RAD54L: variants seen among roughly 807,000 people sequenced by gnomAD.
RAD54L encodes the protein RAD54 like.
RAD54L carries 74 observed loss-of-function variants against 91.6 expected under a neutral mutation model. The ratio of observed to expected loss-of-function variants is 0.81; its 90% CI spans 0.67 to 0.98. The LOEUF is 0.98. Among genes scored for constraint, RAD54L ranks in the 50% least tolerant of loss-of-function variants. The probability of loss-of-function intolerance (pLI) is 0.00; values close to 1 mark genes in which losing one functional copy is unlikely to be tolerated. For synonymous variants in RAD54L, 304 were observed against 349.7 expected, an observed-to-expected ratio of 0.87 and a Z score of 1.46; for missense variants, 887 against 945.7, an observed-to-expected ratio of 0.94 and a Z score of 0.81.
chr1:46,277,313 T>C (rs1184110959), intron 16 of RAD54L: 1 of 176,812 alleles, frequency 5.7e-6, no homozygotes, highest in Non-Finnish European at 1.2e-5. Context: ...TTTTCAATAC[T>C]GTTCTACTCT....
chr1:46,257,033 A>T (rs1361341470), intron 3 of RAD54L, among the ~76,000 whole-genome samples: 2 of 151,324 alleles, frequency 1.3e-5, no homozygotes, highest in East Asian at 2.0e-4. Context: ...AGTCCCAGCT[A>T]CTTGGGAGGC....
chr1:46,249,575 G>A (rs1232362843), intron 2 of RAD54L, among the ~76,000 whole-genome samples: 1 of 152,202 alleles, frequency 6.6e-6, no homozygotes, highest in Non-Finnish European at 1.5e-5. Flanking sequence ...ACAGCCATGG[G>A]TGGCCTGAGT....
At chr1:46,266,395 TG>T (rs1390753859) in intron 8 of RAD54L, among the ~76,000 whole-genome samples, 1 of 152,236 alleles carries the variant, frequency 6.6e-6, no homozygotes, top group Non-Finnish European at 1.5e-5. Flanking sequence ...TGCTGATTCT[TG>T]GTTGAGTGGT....
In RAD54L at chr1:46,261,299, C is replaced by T; in HGVS notation, c.805C>T (p.Pro269Ser). The change falls in exon 8 of 18, where the codon CCC becomes TCC. Residue 269 changes from proline to serine, a missense_variant. By Grantham distance (74) the Pro-to-Ser change is moderately conservative. Transcript: ENST00000371975. ...CCAGCGTGGAGCCAGGGTGTCTTCT[C>T]CCATCCTCATCATTTCCTATGAGAC... is the stretch of plus-strand genomic sequence containing the variant. ...MNQRGARVSS[P>S]ILIISYETFR... 2.5e-6 allele frequency: 4 copies of T among 1,612,968 alleles called. No individual in the cohort carries two copies. Among genetic ancestry groups the T allele is most frequent in the African/African-American group, 1.3e-5 (1 of 74,620 alleles).
chr1:46,277,738 C>A, intron 16 of RAD54L, 79 bp from the exon 17 acceptor site: 1 of 1,486,784 alleles, frequency 6.7e-7, no homozygotes, highest in Non-Finnish European at 9.3e-7. Flanking sequence ...TAGTTTCAAC[C>A]CTTTGGTTTT....
At position 46,272,720 on chromosome 1, in the gene RAD54L, C is replaced by T; in HGVS notation, c.1293C>T (p.Ala431=). The T allele has an allele frequency of 6.2e-7, 1 of 1,614,146 alleles. No homozygotes were observed. The highest frequency in any genetic ancestry group is 8.5e-7 in the Non-Finnish European group (1 of 1,180,030). ...TATACAAGAGGTTTCTGAGACAAGCCAAACCGGCAGAAGAATTGCTTGAGG... is the reference window on the plus strand; with the variant it reads ...TATACAAGAGGTTTCTGAGACAAGCTAAACCGGCAGAAGAATTGCTTGAGG... The part of the protein sequence containing the change: ...TELYKRFLRQ[A]KPAEELLEGK... The change falls in exon 12 of 18, where the codon GCC becomes GCT. Residue 431 remains alanine, a synonymous_variant. Coordinates refer to ENST00000371975, the MANE Select transcript of RAD54L (RefSeq NM_003579.4).
intron 5 of RAD54L, 39 bp downstream of exon 5, chr1:46,260,138 T>C: frequency 6.2e-7 from 1 of 1,613,734 alleles, no homozygotes. Context: ...TTTGGTTCTC[T>C]GTATATGCAC....
chr1:46,260,755 C>T lies in RAD54L; in HGVS notation c.506C>T (p.Thr169Ile), dbSNP rs779199093. Residue 169 changes from threonine (T) to isoleucine (I), a missense_variant, in exon 7 of 18, where the codon ACC (threonine) becomes ATC (isoleucine). Transcript: ENST00000371975. ...GTGAAATTCCTGTGGGAGTGTGTCA[C>T]CAGTCGGCGCATCCCTGGCAGCCAT... Reference protein sequence around the residue: ...EGVKFLWECVTSRRIPGSHGC... With the variant: ...EGVKFLWECVISRRIPGSHGC... 2 of 1,614,168 alleles carry T rather than the reference C, an allele frequency of 1.2e-6. No homozygotes were observed. The highest frequency in any genetic ancestry group is 2.2e-5 in the East Asian group (1 of 44,884).
chr1:46,254,047 G>A (rs775998247), intron 3 of RAD54L, among the ~76,000 whole-genome samples: 39 of 151,650 alleles, frequency 2.6e-4, no homozygotes, highest in Non-Finnish European at 4.9e-4. Flanking sequence ...TGATCTTGGC[G>A]CACTGCAACC....
At position 46,258,638 on chromosome 1, in the gene RAD54L, A is replaced by G. The variant is rs187495451; in HGVS notation, c.211-48A>G. On this transcript the variant is annotated intron_variant, in intron 3 of 17. Transcript: ENST00000371975. ...GTGAAGCATATCATGATATTGTCCC[A>G]TAACATCTCCAGTCAGTCCTGAATC... 3.4e-4 allele frequency: 476 copies of G among 1,386,180 alleles called. 3 individuals carry two copies. In the African/African-American group the frequency reaches 6.0e-3, roughly 18 times the overall value. 85.9% of individuals were successfully genotyped at this position (1,386,180 alleles called of 1,614,324 possible). A position where few individuals can be genotyped will look rare whatever the true frequency, so the allele number is the denominator to read the frequency against.
At chr1:46,259,487 T>G (rs990604048) in intron 4 of RAD54L, among the ~76,000 whole-genome samples, 1 of 152,112 alleles carries the variant, frequency 6.6e-6, no homozygotes, top group Non-Finnish European at 1.5e-5. Flanking sequence ...AGAAAAATTC[T>G]GGGGGCTGGG....
intron 8 of RAD54L, 31 bp from the exon 9 acceptor site, chr1:46,267,428 C>T (rs767075563): frequency 1.2e-5 from 20 of 1,613,078 alleles, no homozygotes; most frequent in Non-Finnish European, 1.6e-5. Context: ...GGGAATGCCA[C>T]ATTGCGCTCT....
chr1:46,277,055 A>G (rs917382046), intron 16 of RAD54L, among the ~76,000 whole-genome samples: 2 of 152,100 alleles, frequency 1.3e-5, no homozygotes, highest in African/African-American at 4.8e-5. Flanking sequence ...TCGGCCTCCA[A>G]AATTGCAGGG....
At chr1:46,275,694 A>G (rs1296442311) in intron 16 of RAD54L, among the ~76,000 whole-genome samples, 1 of 152,056 alleles carries the variant, frequency 6.6e-6, no homozygotes, top group Non-Finnish European at 1.5e-5. Context: ...TTTCCTACCT[A>G]ACTCATCTTC....
At chr1:46,271,113 C>T (rs780823831) in intron 10 of RAD54L, among the ~76,000 whole-genome samples, 3 of 152,096 alleles carry the variant, frequency 2.0e-5, no homozygotes, top group Non-Finnish European at 2.9e-5. Flanking sequence ...GTCTCAGACC[C>T]GAAACATTAG....
chr1:46,270,791 G>T lies in RAD54L; in HGVS notation c.1169+6G>T. 1 of 1,613,920 alleles carries T rather than the reference G, an allele frequency of 6.2e-7. No homozygotes were observed. Among genetic ancestry groups the T allele is most frequent in the South Asian group, 1.1e-5 (1 of 91,052 alleles). ...CTCACCAGCATTGTGAATAGGTAAT[G>T]ACCTTAAGCGAAGTCATTAGAATTG... is the stretch of plus-strand genomic sequence containing the variant. On this transcript the variant is annotated splice_donor_region_variant and intron_variant, in intron 10 of 17. Transcript: ENST00000371975.
rs1396080548 is a variant in RAD54L, at chr1:46,251,448, C to CA, written c.210+1329_210+1330insA. Among the ~76,000 whole-genome samples, 4 of 152,174 alleles carry CA rather than the reference C, an allele frequency of 2.6e-5. No homozygotes were observed. In the East Asian group the frequency reaches 7.7e-4, roughly 29 times the overall value. On this transcript the variant is annotated intron_variant, in intron 3 of 17. Coordinates refer to ENST00000371975, the MANE Select transcript of RAD54L (RefSeq NM_003579.4). ...ATTGTCAAACCCATAATCCCTTTTCCCATCCCCAGAGGTAATCACTATCTT... is the reference window on the plus strand; with the variant it reads ...ATTGTCAAACCCATAATCCCTTTTCCACATCCCCAGAGGTAATCACTATCTT...
chr1:46,260,605 G>A lies in RAD54L; in HGVS notation c.471G>A (p.Gln157=), dbSNP rs1373773358. 3 of 1,613,968 alleles carry A rather than the reference G, an allele frequency of 1.9e-6. No individual in the cohort carries two copies. Among genetic ancestry groups the A allele is most frequent in the Non-Finnish European group, 2.5e-6 (3 of 1,179,964 alleles). The change falls in exon 6 of 18, where the codon CAG becomes CAA. Residue 157 remains glutamine (Q), a synonymous_variant. Transcript: ENST00000371975. ...PILSKVLRPH[Q]REGVKFLWEC... ...TCAGTAAGGTTTTGCGGCCTCATCA[G>A]AGAGAGGTAAATGAGGGTGAGGGGA...
chr1:46,263,391 C>T lies in RAD54L; in HGVS notation c.891+2006C>T, dbSNP rs1483700781. 2.0e-5 allele frequency among the ~76,000 whole-genome samples: 3 copies of T among 152,118 alleles called. No individual in the cohort carries two copies. Among genetic ancestry groups the T allele is most frequent in the African/African-American group, 7.2e-5 (3 of 41,420 alleles). On this transcript the variant is annotated intron_variant, in intron 8 of 17. Coordinates refer to ENST00000371975, the MANE Select transcript of RAD54L (RefSeq NM_003579.4). This position sits in a 1 kb window ranked among gnomAD's most constrained non-coding sequence, Gnocchi z 4.3. ...GAGAGTTAACCTCCTTTGTATACCC[C>T]AGAGGTTCTAGTGGAGAGGTGGCTG...
Sources: gnomAD v4.1 joint callset for allele counts (sites outside exome capture counted in the v4.1 genomes callset) on GRCh38, gnomAD v4.1.1 for gene constraint, Gnocchi (gnomAD v3.1) non-coding constraint, MANE v1.5 for transcripts, NCBI Gene and HGNC (gene_info 2026-07-23, HGNC 2026-07-21) for gene names.